The following EPB41L4B variants were observed in gnomAD, a reference collection of about 807,000 sequenced individuals.
EPB41L4B encodes erythrocyte membrane protein band 4.1 like 4B, also known as band 4.1-like protein 4B.
In EPB41L4B, 30 loss-of-function variants were observed where a neutral mutation model predicts 112.5. The ratio of observed to expected loss-of-function variants is 0.27; its 90% CI spans 0.20 to 0.36. The LOEUF (loss-of-function observed/expected upper bound fraction) is 0.36, where lower values mean the gene tolerates loss of function less well. EPB41L4B is among the 10% of genes least tolerant of loss of function. The pLI, the probability that EPB41L4B is intolerant of heterozygous loss-of-function variation, is 1.00. For missense variants in EPB41L4B, 1,024 were observed against 1,133.3 expected (o/e 0.90, Z 1.38); for synonymous variants, 408 against 439.7 (o/e 0.93, Z 0.90).
At chr9:109,217,562 A>G (rs191602168) in intron 15 of EPB41L4B, among the ~76,000 whole-genome samples, 21 of 152,252 alleles carry the variant, frequency 1.4e-4, no homozygotes, top group Admixed American at 2.0e-4. Context: ...AGCTCCAGTT[A>G]ACATCAGTGC....
chr9:109,174,295 C>A lies in EPB41L4B; in HGVS notation c.*259G>T. 1 of 390,208 alleles carries A rather than the reference C, an allele frequency of 2.6e-6. No homozygotes were observed. Among genetic ancestry groups the A allele is most frequent in the South Asian group, 4.4e-5 (1 of 22,606 alleles). 24.2% of individuals were successfully genotyped at this position (390,208 alleles called of 1,614,324 possible). On this transcript the variant is annotated 3_prime_UTR_variant, in exon 26 of 26. Coordinates refer to ENST00000374566, the MANE Select transcript of EPB41L4B (RefSeq NM_019114.5). The stretch of plus-strand genomic sequence containing the variant: ...ACACAGGTACTTCTGAAAAGGAATC[C>A]CGTTTTCCCATCTTTCTTTTCCTAG...
intron 15 of EPB41L4B, among the ~76,000 whole-genome samples, chr9:109,222,778 C>T (rs567843644): frequency 6.6e-6 from 1 of 152,258 alleles, no homozygotes; most frequent in East Asian, 1.9e-4. Flanking sequence ...TAGCACTGTG[C>T]TAGGCACTTT....
At chr9:109,175,216 C>T (rs1209016827) in intron 25 of EPB41L4B, among the ~76,000 whole-genome samples, 2 of 151,576 alleles carry the variant, frequency 1.3e-5, no homozygotes, top group African/African-American at 4.9e-5. Flanking sequence ...CAAGCCCGGC[C>T]CTCAGTAAAG....
chr9:109,260,045 C>T (rs939816677), intron 6 of EPB41L4B, among the ~76,000 whole-genome samples: 6 of 152,204 alleles, frequency 3.9e-5, no homozygotes, highest in Middle Eastern at 3.4e-3. Context: ...ACAAGAGCCT[C>T]GCCTTGTGTC....
At chr9:109,188,702 C>A (rs952452180) in intron 22 of EPB41L4B, among the ~76,000 whole-genome samples, 4 of 152,144 alleles carry the variant, frequency 2.6e-5, no homozygotes, top group African/African-American at 7.2e-5. Flanking sequence ...TAACCCAGGG[C>A]CTGTTCCAAT....
At chr9:109,280,130 T>C (rs1433231123) in intron 1 of EPB41L4B, among the ~76,000 whole-genome samples, 1 of 152,222 alleles carries the variant, frequency 6.6e-6, no homozygotes, top group African/African-American at 2.4e-5. Flanking sequence ...GTTAAGAATC[T>C]AGATAACCCT....
Position 109,255,627 on chromosome 9 carries a change from G to A in EPB41L4B, c.1053C>T (p.Cys351=), listed in dbSNP as rs1834950979. 6.2e-7 allele frequency: 1 copy of A among 1,614,150 alleles called. No homozygotes were observed. Among genetic ancestry groups the A allele is most frequent in the Non-Finnish European group, 8.5e-7 (1 of 1,180,018 alleles). Residue 351 remains cysteine (C), a synonymous_variant, in exon 11 of 26, where the codon TGC becomes TGT. Coordinates refer to ENST00000374566, the MANE Select transcript of EPB41L4B (RefSeq NM_019114.5). ...FVFRLDSART[C]KHLWKCAVEH... ...CAACTGCACACTTCCAAAGGTGTTT[G>A]CAGGTCCTGGCACTGTCTAACCGGA...
chr9:109,176,406 C>A, intron 25 of EPB41L4B, 145 bp downstream of exon 25: 1 of 1,001,294 alleles, frequency 1.0e-6, no homozygotes, highest in South Asian at 2.2e-5. Flanking sequence ...CACCTGGCCC[C>A]TTTATAGACA....
chr9:109,214,640 G>A (rs926686019), intron 16 of EPB41L4B, among the ~76,000 whole-genome samples: 1 of 152,178 alleles, frequency 6.6e-6, no homozygotes, highest in Non-Finnish European at 1.5e-5. Context: ...CCAGGCAAAG[G>A]GAACAGCAGG....
chr9:109,279,168 C>G (rs1388057075), intron 2 of EPB41L4B, among the ~76,000 whole-genome samples: 1 of 151,814 alleles, frequency 6.6e-6, no homozygotes, highest in Non-Finnish European at 1.5e-5. Flanking sequence ...AAAATAAAAG[C>G]AGCACCATTA....
intron 15 of EPB41L4B, among the ~76,000 whole-genome samples, chr9:109,222,907 C>G (rs1334003217): frequency 6.6e-6 from 1 of 152,312 alleles, no homozygotes; most frequent in Middle Eastern, 3.4e-3. Context: ...TGACCCTGAT[C>G]TCATTTCTTC....
In EPB41L4B at chr9:109,281,949, T is replaced by C. The variant is rs1180996407; in HGVS notation, c.307-2028A>G. On this transcript the variant is annotated intron_variant, in intron 1 of 25. Transcript: ENST00000374566. Reference sequence around the variant, plus strand: ...GTAAAAACTTGTACACAAATGCTCATAGCAGTATTATTTATAATATTCAAA... The same window carrying C: ...GTAAAAACTTGTACACAAATGCTCACAGCAGTATTATTTATAATATTCAAA... 2.0e-5 allele frequency among the ~76,000 whole-genome samples: 3 copies of C among 152,206 alleles called. No homozygotes were observed. In the East Asian group the frequency reaches 5.8e-4, roughly 29 times the overall value.
chr9:109,182,833 G>A (rs1193355674), intron 23 of EPB41L4B, 36 bp from the exon 24 acceptor site: 5 of 1,479,300 alleles, frequency 3.4e-6, no homozygotes, highest in African/African-American at 1.4e-5. Flanking sequence ...GTTACCTTCA[G>A]ATTAGAAAAC....
intron 2 of EPB41L4B, among the ~76,000 whole-genome samples, chr9:109,274,906 G>C (rs1035177427): frequency 6.6e-6 from 1 of 152,216 alleles, no homozygotes; most frequent in Non-Finnish European, 1.5e-5. Flanking sequence ...CTCAGGGCGA[G>C]AACTGGGTAA....
Position 109,173,038 on chromosome 9 carries a change from C to A in EPB41L4B, c.*1516G>T, listed in dbSNP as rs561640552. The A allele has an allele frequency of 2.0e-5, 3 of 152,538 alleles. No individual in the cohort carries two copies. The highest frequency in any genetic ancestry group is 2.9e-5 in the Non-Finnish European group (2 of 68,046). 9.4% of individuals were successfully genotyped at this position (152,538 alleles called of 1,614,324 possible). A position where few individuals can be genotyped will look rare whatever the true frequency, so the allele number is the denominator to read the frequency against. On this transcript the variant is annotated 3_prime_UTR_variant, in exon 26 of 26. Coordinates refer to ENST00000374566, the MANE Select transcript of EPB41L4B (RefSeq NM_019114.5). ...ACACAAGGAAATACAACTAGTAAAT[C>A]ATCACATGGAAAAGTGCTCAGCCTT...
Position 109,263,020 on chromosome 9 carries a change from A to G in EPB41L4B, c.631+30T>C, listed in dbSNP as rs561280653. The G allele has an allele frequency of 3.4e-4, 503 of 1,500,974 alleles. 5 individuals are homozygous for G. In the South Asian group the frequency reaches 3.8e-3, roughly 11 times the overall value. The allele number at this position is 1,500,974 out of a possible 1,614,324, so 93.0% of individuals were successfully genotyped here. ...TTGAAATAAAAAGCAATAACATTAA[A>G]ATGCTAATTACTACTAAAGATTAAT... On this transcript the variant is annotated intron_variant, in intron 6 of 25. Transcript: ENST00000374566.
chr9:109,239,687 G>A lies in EPB41L4B; in HGVS notation c.1409+3931C>T, dbSNP rs142346435. ...TCAGGATATCATAAGTATGCATACT[G>A]GTGAGGCTTCTTGGTTGCAGACAAC... is the stretch of plus-strand genomic sequence containing the variant. On this transcript the variant is annotated intron_variant, in intron 15 of 25. Coordinates refer to ENST00000374566, the MANE Select transcript of EPB41L4B (RefSeq NM_019114.5). The A allele has an allele frequency of 7.7e-4, 215 of 280,838 alleles. 1 individual carries two copies. The highest frequency in any genetic ancestry group is 3.6e-3 in the African/African-American group (156 of 43,870). 17.4% of individuals were successfully genotyped at this position (280,838 alleles called of 1,614,324 possible).
At chr9:109,298,127 G>A (rs1836809621) in intron 1 of EPB41L4B, among the ~76,000 whole-genome samples, 2 of 152,060 alleles carry the variant, frequency 1.3e-5, no homozygotes, top group South Asian at 2.1e-4. Flanking sequence ...AGAAAAGAAA[G>A]GTGTGATGCT....
chr9:109,245,324 A>G (rs1031989063), intron 14 of EPB41L4B, among the ~76,000 whole-genome samples: 4 of 152,190 alleles, frequency 2.6e-5, no homozygotes, highest in African/African-American at 9.7e-5. Flanking sequence ...AACACAACCA[A>G]ATCAGATTCA....
Sources: gnomAD v4.1 joint callset for allele counts (sites outside exome capture counted in the v4.1 genomes callset) on GRCh38, gnomAD v4.1.1 for gene constraint, MANE v1.5 for transcripts, NCBI Gene and HGNC (gene_info 2026-07-23, HGNC 2026-07-21) for gene names.